The following CDH23 variants were observed in gnomAD, a reference collection of about 807,000 sequenced individuals.
CDH23 encodes the protein cadherin related 23.
In CDH23, 189 loss-of-function variants were observed where a neutral mutation model predicts 317.1. That is an observed-to-expected ratio of 0.60 (90% CI 0.53 to 0.67). CDH23 has a LOEUF of 0.67. Among genes scored for constraint, CDH23 ranks in the 30% least tolerant of loss-of-function variants. CDH23 has a pLI of 0.00. For missense variants in CDH23, 4,401 were observed against 4,592.4 expected (o/e 0.96, Z 1.20); for synonymous variants, 1,839 against 1,876.8 (o/e 0.98, Z 0.52).
chr10:71,554,466 A>C (rs1336929919), intron 6 of CDH23, among the ~76,000 whole-genome samples: 5 of 151,478 alleles, frequency 3.3e-5, no homozygotes, highest in African/African-American at 1.2e-4. Context: ...CCAAAGTGCT[A>C]GTCTTTTTCT....
At chr10:71,512,137 A>C (rs1854026254) in intron 6 of CDH23, 1 of 152,190 alleles carries the variant, frequency 6.6e-6, no homozygotes, top group African/African-American at 2.4e-5. Flanking sequence ...TGGGCATGGG[A>C]GAGTGACTTG....
intron 6 of CDH23, among the ~76,000 whole-genome samples, chr10:71,547,917 GCAGC>G (rs1165177688): frequency 6.6e-6 from 1 of 152,234 alleles, no homozygotes; most frequent in Non-Finnish European, 1.5e-5. Flanking sequence ...CCAGGGCTAA[GCAGC>G]CACTTGGCGT....
In CDH23 at chr10:71,730,380, A is replaced by G. The variant is rs373822680; in HGVS notation, c.3580-89A>G. 8 of 1,509,972 alleles carry G rather than the reference A, an allele frequency of 5.3e-6. No individual in the cohort carries two copies. The African/African-American group carries it at 6.9e-5, about 13-fold the overall frequency. 93.5% of individuals were successfully genotyped at this position (1,509,972 alleles called of 1,614,324 possible). A position where few individuals can be genotyped will look rare whatever the true frequency, so the allele number is the denominator to read the frequency against. On this transcript the variant is annotated intron_variant, in intron 30 of 69. Coordinates refer to ENST00000224721, the MANE Select transcript of CDH23 (RefSeq NM_022124.6). ...TCACAGCAGGCCCAGGAAAGCAGTGACCACACAAGGCGGCCACAGTGGGCC... is the reference window on the plus strand; with the variant it reads ...TCACAGCAGGCCCAGGAAAGCAGTGGCCACACAAGGCGGCCACAGTGGGCC...
intron 29 of CDH23, 54 bp from the exon 30 acceptor site, chr10:71,725,318 G>A: frequency 6.2e-7 from 1 of 1,613,288 alleles, no homozygotes; most frequent in South Asian, 1.1e-5. Flanking sequence ...GGCCAGCACA[G>A]CAGGAGACTT....
At chr10:71,576,598 T>G (rs1286506811) in intron 8 of CDH23, among the ~76,000 whole-genome samples, 3 of 152,108 alleles carry the variant, frequency 2.0e-5, no homozygotes, top group Non-Finnish European at 4.4e-5. Flanking sequence ...GCCATGCAGA[T>G]GCCAGGGTTG....
At chr10:71,615,951 G>T (rs1861164644) in intron 10 of CDH23, among the ~76,000 whole-genome samples, 1 of 152,208 alleles carries the variant, frequency 6.6e-6, no homozygotes, top group African/African-American at 2.4e-5. Flanking sequence ...GTTCTCTGTT[G>T]CAGCCACCTG....
At chr10:71,398,428 AGTGTGTGTGTGTGTGTGTGTGTGT>A (rs143519061) in intron 1 of CDH23, among the ~76,000 whole-genome samples, 4 of 120,166 alleles carry the variant, frequency 3.3e-5, no homozygotes, top group East Asian at 2.5e-4. Flanking sequence ...GAGACACAGG[AGTGTGTGTGTGTGTGTGTGTGTGT>A]GTGTGTGTGT....
chr10:71,482,277 C>A (rs139355681), intron 3 of CDH23, among the ~76,000 whole-genome samples: 293 of 152,284 alleles, frequency 1.9e-3, no homozygotes, highest in Non-Finnish European at 3.1e-3. Context: ...TCTCCTTTCT[C>A]CCTTTGCATT....
At chr10:71,441,243 C>T (rs1024418430) in intron 2 of CDH23, among the ~76,000 whole-genome samples, 1 of 152,106 alleles carries the variant, frequency 6.6e-6, no homozygotes, top group Non-Finnish European at 1.5e-5. Flanking sequence ...ACCCCCCTCA[C>T]CCCGCTCCCC....
In CDH23 at chr10:71,615,459, C is replaced by T. The variant is rs184262072; in HGVS notation, c.833-45C>T. ...CCCCCTGCCCCCAGCTCCATGCCCCCCTGCCCTGTGCCTGGTCACACCTGA... is the reference window on the plus strand; with the variant it reads ...CCCCCTGCCCCCAGCTCCATGCCCCTCTGCCCTGTGCCTGGTCACACCTGA... On this transcript the variant is annotated intron_variant, in intron 9 of 69. Transcript: ENST00000224721. The T allele has an allele frequency of 2.0e-4, 295 of 1,439,672 alleles. 1 individual carries two copies. In the African/African-American group the frequency reaches 3.5e-3, roughly 17 times the overall value. 89.2% of individuals were successfully genotyped at this position (1,439,672 alleles called of 1,614,324 possible).
chr10:71,506,790 C>G (rs368163561), intron 3 of CDH23, among the ~76,000 whole-genome samples: 126 of 152,252 alleles, frequency 8.3e-4, no homozygotes, highest in Admixed American at 5.0e-3. Context: ...TTAATTAGTA[C>G]ACTTAGAAAA....
chr10:71,592,133 G>A (rs973843520), intron 9 of CDH23, among the ~76,000 whole-genome samples: 2 of 152,134 alleles, frequency 1.3e-5, no homozygotes, highest in Admixed American at 6.5e-5. Flanking sequence ...AGTGTGGATT[G>A]TTCCTTTCAG....
chr10:71,488,201 G>A lies in CDH23; in HGVS notation c.146-21881G>A, dbSNP rs115518675. 6.7e-3 allele frequency among the ~76,000 whole-genome samples: 1,015 copies of A among 152,346 alleles called. 11 individuals are homozygous for A. Among genetic ancestry groups the A allele is most frequent in the African/African-American group, 0.019 (791 of 41,566 alleles). On this transcript the variant is annotated intron_variant, in intron 3 of 69. Coordinates refer to ENST00000224721, the MANE Select transcript of CDH23 (RefSeq NM_022124.6). Reference sequence around the variant, plus strand: ...GCCAGTGAGCACAGGCAGCATGGAGGGAAAGTCAGGAGGTGCCTGGGTGGA... The same window carrying A: ...GCCAGTGAGCACAGGCAGCATGGAGAGAAAGTCAGGAGGTGCCTGGGTGGA...
intron 1 of CDH23, among the ~76,000 whole-genome samples, chr10:71,403,344 T>TTTCA: frequency 1.4e-5 from 1 of 69,184 alleles, no homozygotes; most frequent in East Asian, 3.7e-4. Flanking sequence ...TCTTTCTTTC[T>TTTCA]TTCTTTCTTT....
At position 71,800,738 on chromosome 10, in the gene CDH23, C is replaced by T. The variant is rs754223180; in HGVS notation, c.7465C>T (p.Arg2489Cys). 2.9e-5 allele frequency: 47 copies of T among 1,613,800 alleles called. No individual in the cohort carries two copies. Among genetic ancestry groups the T allele is most frequent in the African/African-American group, 5.3e-5 (4 of 74,902 alleles). The change falls in exon 53 of 70, where the codon CGC becomes TGC. Residue 2489 changes from arginine to cysteine, a missense_variant. Around this residue, in one of 3 missense-constraint regions of CDH23, gnomAD observed 189 missense variants for 250.9 expected, o/e 0.75. Coordinates refer to ENST00000224721, the MANE Select transcript of CDH23 (RefSeq NM_022124.6). ...CCCTGGGGATGTAGCCAGCAACCGT[C>T]GCGAAAATTCAGTGCAGGTGAGGGG... ...DNPGDVASNR[R>C]ENSVQVVIQV...
intron 3 of CDH23, among the ~76,000 whole-genome samples, chr10:71,500,305 A>C (rs114375742): frequency 0.019 from 2,903 of 152,278 alleles, 100 homozygotes; most frequent in African/African-American, 0.066. Flanking sequence ...TGTGTACTTC[A>C]CTTATTCCTC....
intron 9 of CDH23, among the ~76,000 whole-genome samples, chr10:71,583,952 T>TC (rs1446407226): frequency 6.9e-6 from 1 of 145,614 alleles, no homozygotes; most frequent in East Asian, 2.0e-4. Context: ...CAAAGTGTGC[T>TC]CCCCAGAGCA....
intron 6 of CDH23, among the ~76,000 whole-genome samples, chr10:71,531,635 G>C (rs1266562247): frequency 2.0e-5 from 3 of 152,104 alleles, no homozygotes; most frequent in Admixed American, 2.0e-4. Flanking sequence ...AGCCAGGCTG[G>C]GTAGGGAGGG....
At chr10:71,609,891 TGTAA>T (rs1347117890) in intron 9 of CDH23, among the ~76,000 whole-genome samples, 1 of 152,130 alleles carries the variant, frequency 6.6e-6, no homozygotes, top group Non-Finnish European at 1.5e-5. Context: ...TCTGCTGCTA[TGTAA>T]AACTCTACCA....
Sources: allele counts gnomAD v4.1 joint callset (sites outside exome capture counted in the v4.1 genomes callset), GRCh38; gene constraint gnomAD v4.1.1; regional missense constraint gnomAD v4.1.1; transcripts MANE v1.5; gene names NCBI Gene and HGNC (gene_info 2026-07-23, HGNC 2026-07-21).